Variants in PATJ observed in about 807,000 individuals in gnomAD.
PATJ encodes the protein inaD-like protein.
In PATJ, 190 loss-of-function variants were observed where a neutral mutation model predicts 224.9. That is an observed-to-expected ratio of 0.84 (90% confidence interval 0.75 to 0.95). The LOEUF is 0.95. Among genes scored for constraint, PATJ ranks in the 40% least tolerant of loss-of-function variants. The probability of loss-of-function intolerance (pLI) is 0.00; values close to 1 mark genes in which losing one functional copy is unlikely to be tolerated. For missense variants in PATJ, 2,121 were observed against 2,270.3 expected (o/e 0.93, Z 1.34); for synonymous variants, 769 against 820.3 (o/e 0.94, Z 1.07).
intron 41 of PATJ, among the ~76,000 whole-genome samples, chr1:62,135,017 G>A (rs1666680390): frequency 6.6e-6 from 1 of 152,012 alleles, no homozygotes; most frequent in Non-Finnish European, 1.5e-5. Flanking sequence ...TATCACTAAA[G>A]GAATGATCTG....
chr1:61,959,557 C>A (rs932967914), intron 27 of PATJ, among the ~76,000 whole-genome samples: 75 of 150,968 alleles, frequency 5.0e-4, no homozygotes, highest in Non-Finnish European at 8.3e-4. Flanking sequence ...ACCTCAGCCT[C>A]CCAAGTAGCT....
At chr1:62,129,770 G>A (rs1412452415) in intron 41 of PATJ, among the ~76,000 whole-genome samples, 2 of 151,954 alleles carry the variant, frequency 1.3e-5, no homozygotes, top group Non-Finnish European at 2.9e-5. Flanking sequence ...GTGAAACCCC[G>A]TCTCTGCTAA....
At chr1:61,983,764 G>A (rs1374166525) in intron 27 of PATJ, among the ~76,000 whole-genome samples, 2 of 152,002 alleles carry the variant, frequency 1.3e-5, no homozygotes, top group Non-Finnish European at 2.9e-5. Flanking sequence ...TTATATTCTA[G>A]GGGAGGGAAG....
chr1:61,969,570 A>ATT (rs1682653768), intron 27 of PATJ, among the ~76,000 whole-genome samples: 5 of 152,062 alleles, frequency 3.3e-5, no homozygotes, highest in African/African-American at 4.8e-5. Flanking sequence ...AGATTATTTG[A>ATT]TTTATATTTG....
At chr1:61,762,942 A>C in intron 2 of PATJ, 28 bp downstream of exon 2, 2 of 1,504,168 alleles carry the variant, frequency 1.3e-6, no homozygotes, top group South Asian at 1.2e-5. Flanking sequence ...TTCTATAATT[A>C]AATTAATTAT....
At chr1:62,076,899 A>G (rs1427469197) in intron 31 of PATJ, among the ~76,000 whole-genome samples, 8 of 152,184 alleles carry the variant, frequency 5.3e-5, no homozygotes, top group Admixed American at 5.2e-4. Context: ...CACAGGCTCA[A>G]TTGCTGCAAG....
chr1:61,880,405 G>A (rs1286085879), intron 21 of PATJ, among the ~76,000 whole-genome samples: 1 of 152,186 alleles, frequency 6.6e-6, no homozygotes, highest in African/African-American at 2.4e-5. Context: ...AGGTATTTTT[G>A]TAGCTTCAGC....
At chr1:61,913,361 A>G (rs1672977468) in intron 25 of PATJ, among the ~76,000 whole-genome samples, 1 of 152,208 alleles carries the variant, frequency 6.6e-6, no homozygotes, top group Non-Finnish European at 1.5e-5. Context: ...GGCGCACGCC[A>G]ACACACCCAG....
intron 20 of PATJ, among the ~76,000 whole-genome samples, chr1:61,869,411 C>T (rs1420148642): frequency 6.6e-6 from 1 of 152,138 alleles, no homozygotes; most frequent in Non-Finnish European, 1.5e-5. Flanking sequence ...AAATGCAGGG[C>T]CACTGATCCT....
intron 33 of PATJ, among the ~76,000 whole-genome samples, chr1:62,104,094 C>G (rs1462649784): frequency 7.3e-6 from 1 of 137,218 alleles, no homozygotes; most frequent in Non-Finnish European, 1.6e-5. Flanking sequence ...TCACTGAGGT[C>G]TTGGGTTTTG....
At chr1:62,131,975 A>G (rs1666314275) in intron 41 of PATJ, among the ~76,000 whole-genome samples, 2 of 151,830 alleles carry the variant, frequency 1.3e-5, no homozygotes, top group African/African-American at 4.8e-5. Context: ...CAGCCTCCCA[A>G]GTAGCTGGGA....
chr1:62,017,805 A>G lies in PATJ; in HGVS notation c.3868-51A>G. The G allele has an allele frequency of 3.4e-6, 3 of 890,586 alleles. No homozygotes were observed. In the South Asian group the frequency reaches 4.2e-5, roughly 13 times the overall value. 55.2% of individuals were successfully genotyped at this position (890,586 alleles called of 1,614,324 possible). A position where few individuals can be genotyped will look rare whatever the true frequency, so the allele number is the denominator to read the frequency against. On this transcript the variant is annotated intron_variant, in intron 28 of 43. Transcript: ENST00000642238. ...ATCATTTAATTCCAAGTATATACAT[A>G]TATACTTGTAGACATGTATAATTTA... is the stretch of plus-strand genomic sequence containing the variant.
chr1:61,748,246 CTTTT>C (rs35918825), intron 1 of PATJ, among the ~76,000 whole-genome samples: 1,971 of 64,718 alleles, frequency 0.03, 6 homozygotes, highest in Non-Finnish European at 0.039. Context: ...GCCTTAATGC[CTTTT>C]TTTTTTTTTT....
intron 40 of PATJ, 54 bp from the exon 41 acceptor site, chr1:62,128,787 T>C (rs1327593700): frequency 1.3e-5 from 16 of 1,244,008 alleles, no homozygotes; most frequent in Non-Finnish European, 1.4e-5. Flanking sequence ...AGCATTCTTC[T>C]CAAATTTAAT....
At chr1:61,773,722 G>T (rs527739497) in intron 6 of PATJ, among the ~76,000 whole-genome samples, 3 of 151,934 alleles carry the variant, frequency 2.0e-5, no homozygotes, top group African/African-American at 7.2e-5. Flanking sequence ...GGCAGGCGGA[G>T]GTTGCAGTGA....
At chr1:61,991,772 C>G in intron 28 of PATJ, 1 of 976,160 alleles carries the variant, frequency 1.0e-6, no homozygotes, top group South Asian at 4.7e-5. Flanking sequence ...CTTATGTAAC[C>G]AATATTATTC....
chr1:61,880,846 C>T (rs2149056045), intron 21 of PATJ, among the ~76,000 whole-genome samples: 1 of 152,322 alleles, frequency 6.6e-6, no homozygotes, highest in African/African-American at 2.4e-5. Context: ...GTAATCCCAA[C>T]ACTTTGGGAG....
intron 41 of PATJ, among the ~76,000 whole-genome samples, chr1:62,132,390 C>T (rs1007601641): frequency 6.6e-6 from 1 of 152,076 alleles, no homozygotes; most frequent in African/African-American, 2.4e-5. Flanking sequence ...CCTGGCTGCT[C>T]AGGAGGCTGA....
chr1:61,910,210 G>T (rs1379126408), intron 25 of PATJ, among the ~76,000 whole-genome samples: 1 of 152,184 alleles, frequency 6.6e-6, no homozygotes, highest in Non-Finnish European at 1.5e-5. Context: ...TTATACATTT[G>T]TGTGGCCAGC....
Sources: gnomAD v4.1 joint callset for allele counts (sites outside exome capture counted in the v4.1 genomes callset) on GRCh38, gnomAD v4.1.1 for gene constraint, MANE v1.5 for transcripts, NCBI Gene and HGNC (gene_info 2026-07-23, HGNC 2026-07-21) for gene names.